The following KIF24 variants were observed in gnomAD, a reference collection of about 807,000 sequenced individuals.
The protein encoded by KIF24 is kinesin-like protein KIF24.
KIF24 carries 81 observed loss-of-function variants against 118.9 expected under a neutral mutation model. The observed-to-expected ratio is 0.68, with a 90% CI of 0.57 to 0.82. The LOEUF (loss-of-function observed/expected upper bound fraction) is 0.82. Among genes scored for constraint, KIF24 ranks in the 40% least tolerant of loss-of-function variants. The pLI is 0.00. For missense variants in KIF24, 1,560 were observed against 1,661.6 expected (o/e 0.94, Z 1.06); for synonymous variants, 599 against 610.0 (o/e 0.98, Z 0.27).
At chr9:34,268,833 A>C (rs887629068) in intron 8 of KIF24, among the ~76,000 whole-genome samples, 2 of 152,188 alleles carry the variant, frequency 1.3e-5, no homozygotes, top group African/African-American at 4.8e-5. Flanking sequence ...TAATCCAACC[A>C]GGGGGAGGGA....
intron 6 of KIF24, chr9:34,282,560 A>G (rs1369786184): frequency 1.3e-5 from 2 of 152,204 alleles, no homozygotes; most frequent in Non-Finnish European, 2.9e-5. Context: ...TACCAAGTCA[A>G]TGCATGGAGC....
In KIF24 at chr9:34,263,148, C is replaced by T; in HGVS notation, c.1468G>A (p.Asp490Asn). The change falls in exon 9 of 13, where the codon GAT becomes AAT. Residue 490 changes from aspartate to asparagine, a missense_variant. Physicochemically the swap from Asp to Asn is conservative, Grantham distance 23 (BLOSUM62 1). This residue lies in a region of KIF24 where 964 missense variants were observed against 988.0 expected (regional missense o/e 0.98). Transcript: ENST00000402558. The stretch of plus-strand genomic sequence containing the variant: ...AAGGGAGTATGGGTGTGTTCCTGAT[C>T]CAGTGCTCGGATACATTCCTTCAGC... The part of the protein sequence containing the change: ...LALKECIRAL[D>N]QEHTHTPFRQ... The T allele has an allele frequency of 6.2e-7, 1 of 1,613,266 alleles. No individual in the cohort carries two copies. Among genetic ancestry groups the T allele is most frequent in the Non-Finnish European group, 8.5e-7 (1 of 1,179,602 alleles).
chr9:34,331,051 A>G (rs1417605611), upstream of KIF24, among the ~76,000 whole-genome samples: 1 of 152,220 alleles, frequency 6.6e-6, no homozygotes, highest in African/African-American at 2.4e-5. Flanking sequence ...TGAGTACCCA[A>G]TTTTGCCCAA....
intron 6 of KIF24, among the ~76,000 whole-genome samples, chr9:34,282,292 G>A (rs1231338036): frequency 6.6e-6 from 1 of 152,142 alleles, no homozygotes; most frequent in East Asian, 1.9e-4. Flanking sequence ...GTTGCATATT[G>A]TATAATTCTG....
intron 1 of KIF24, among the ~76,000 whole-genome samples, chr9:34,315,297 T>C (rs1293911551): frequency 6.6e-6 from 1 of 152,194 alleles, no homozygotes; most frequent in Non-Finnish European, 1.5e-5. Context: ...CCTGATACAA[T>C]TGTTTCTTAA....
intron 1 of KIF24, among the ~76,000 whole-genome samples, chr9:34,313,738 GTTTT>G (rs5897567): frequency 7.7e-6 from 1 of 130,360 alleles, no homozygotes. Context: ...CCCGTTATCT[GTTTT>G]TTTTTTTTTG....
chr9:34,257,260 A>G lies in KIF24; in HGVS notation c.2347T>C (p.Tyr783His). 1 of 1,613,976 alleles carries G rather than the reference A, an allele frequency of 6.2e-7. No homozygotes were observed. Among genetic ancestry groups the G allele is most frequent in the Non-Finnish European group, 8.5e-7 (1 of 1,179,888 alleles). The change falls in exon 11 of 13, where the codon TAC becomes CAC. Residue 783 changes from tyrosine (Y) to histidine (H), a missense_variant. Coordinates refer to ENST00000402558, the MANE Select transcript of KIF24 (RefSeq NM_194313.4). ...QPPLLQQKLK[Y>H]QPLKRSLRQY... ...CGTAAAGACCTTTTCAGTGGTTGGT[A>G]TTTTAACTTCTGTTGGAGGAGAGGT...
At chr9:34,332,494 G>A (rs1473659537), upstream of KIF24, among the ~76,000 whole-genome samples, 1 of 152,140 alleles carries the variant, frequency 6.6e-6, no homozygotes, top group Admixed American at 6.5e-5. Flanking sequence ...CCTTCACACT[G>A]TCTGTCGCAT....
At chr9:34,272,340 T>C (rs1032887026) in intron 6 of KIF24, among the ~76,000 whole-genome samples, 2 of 152,196 alleles carry the variant, frequency 1.3e-5, no homozygotes, top group African/African-American at 2.4e-5. Context: ...CATCCACCTG[T>C]TCTACCAGGA....
chr9:34,256,801 C>A lies in KIF24; in HGVS notation c.2806G>T (p.Ala936Ser). ...SSGPSPRDSL[A>S]EKPYCSQVDF... ...ACCTGTGAACAGTATGGCTTCTCTG[C>A]CAGGCTGTCTCTGGGAGAAGGCCCT... Residue 936 changes from alanine to serine, a missense_variant, in exon 11 of 13, where the codon GCA (alanine) becomes TCA (serine). Ala to Ser is a moderately conservative substitution (Grantham distance 99). This residue lies in a region of KIF24 where 591 missense variants were observed against 655.6 expected (regional missense o/e 0.90). Transcript: ENST00000402558. 6.2e-7 allele frequency: 1 copy of A among 1,614,026 alleles called. No homozygotes were observed. Among genetic ancestry groups the A allele is most frequent in the Non-Finnish European group, 8.5e-7 (1 of 1,179,892 alleles).
chr9:34,328,259 A>C (rs1470113615), intron 1 of KIF24, among the ~76,000 whole-genome samples: 1 of 152,246 alleles, frequency 6.6e-6, no homozygotes. Context: ...AAGTACAAAG[A>C]AGATGCTTTA....
At chr9:34,309,560 A>T (rs1403209093) in intron 2 of KIF24, among the ~76,000 whole-genome samples, 1 of 151,302 alleles carries the variant, frequency 6.6e-6, no homozygotes, top group Non-Finnish European at 1.5e-5. Flanking sequence ...AAAAAAAAAA[A>T]GAAAATATTT....
chr9:34,306,328 ATAATAT>A lies in KIF24; in HGVS notation c.731_736del (p.Asn244_Ile245del). 1 of 1,610,184 alleles carries A rather than the reference ATAATAT, an allele frequency of 6.2e-7. No homozygotes were observed. The highest frequency in any genetic ancestry group is 8.5e-7 in the Non-Finnish European group (1 of 1,176,534). ...TAGAGTTTCTTTGTCTTCTACAGTA[ATAATAT>A]TAATTTCTCCACGACGTACCTCCCT... is the stretch of plus-strand genomic sequence containing the variant. On this transcript the variant is annotated inframe_deletion, in exon 3 of 13. Coordinates refer to ENST00000402558, the MANE Select transcript of KIF24 (RefSeq NM_194313.4).
At position 34,318,938 on chromosome 9, in the gene KIF24, C is replaced by T; in HGVS notation, c.-25-7567G>A. ...GCAGTCCATCCACGAGTGGGCCGTG[C>T]AGACCACCGACGGCAAGCTGCCCAA... On this transcript the variant is annotated intron_variant, in intron 1 of 12. Transcript: ENST00000402558. This position sits in a 1 kb window ranked among gnomAD's most constrained non-coding sequence, Gnocchi z 4.9. 1 of 1,538,848 alleles carries T rather than the reference C, an allele frequency of 6.5e-7. No individual in the cohort carries two copies.
intron 2 of KIF24, among the ~76,000 whole-genome samples, chr9:34,308,395 T>C (rs1174562708): frequency 2.0e-5 from 3 of 151,974 alleles, no homozygotes; most frequent in African/African-American, 7.2e-5. Flanking sequence ...GCGATTTTCC[T>C]ACCTCAGCCT....
intron 1 of KIF24, among the ~76,000 whole-genome samples, chr9:34,327,228 G>A (rs773986136): frequency 7.9e-4 from 120 of 152,038 alleles, no homozygotes; most frequent in Non-Finnish European, 1.9e-4. Context: ...GATCTACACT[G>A]TGCAAATTAT....
intron 4 of KIF24, among the ~76,000 whole-genome samples, chr9:34,292,623 GAA>G (rs1836297475): frequency 6.6e-6 from 1 of 152,200 alleles, no homozygotes; most frequent in South Asian, 2.1e-4. Context: ...AGAAAACAAA[GAA>G]AGAGTAAAAT....
chr9:34,332,542 T>TA (rs1837973286), upstream of KIF24, among the ~76,000 whole-genome samples: 1 of 152,208 alleles, frequency 6.6e-6, no homozygotes, highest in South Asian at 2.1e-4. Flanking sequence ...GAGTTAGCTT[T>TA]CTAGAATTGT....
rs1025513559 is a variant in KIF24, at chr9:34,256,791, G to T, written c.2816C>A (p.Pro939Gln). ...TATGAAATCTACCTGTGAACAGTAT[G>T]GCTTCTCTGCCAGGCTGTCTCTGGG... Reference protein sequence around the residue: ...PSPRDSLAEKPYCSQVDFIYR... With the variant: ...PSPRDSLAEKQYCSQVDFIYR... Residue 939 changes from proline (P) to glutamine (Q), a missense_variant, in exon 11 of 13, where the codon CCA becomes CAA. This residue lies in a region of KIF24 where 591 missense variants were observed against 655.6 expected (regional missense o/e 0.90). Transcript: ENST00000402558. 1 of 1,613,888 alleles carries T rather than the reference G, an allele frequency of 6.2e-7. No individual in the cohort carries two copies. The highest frequency in any genetic ancestry group is 1.3e-5 in the African/African-American group (1 of 74,922).
Sources: allele counts gnomAD v4.1 joint callset (sites outside exome capture counted in the v4.1 genomes callset), GRCh38; gene constraint gnomAD v4.1.1; regional missense constraint gnomAD v4.1.1; non-coding constraint Gnocchi (gnomAD v3.1); transcripts MANE v1.5; gene names NCBI Gene and HGNC (gene_info 2026-07-23, HGNC 2026-07-21).